ZNF728: variants seen among roughly 807,000 people sequenced by gnomAD.
ZNF728 encodes the protein zinc finger protein 728.
In ZNF728, 12 loss-of-function variants were observed where a neutral mutation model predicts 12.5. The observed-to-expected ratio is 0.96, with a 90% CI of 0.61 to 1.55. The LOEUF (loss-of-function observed/expected upper bound fraction) is 1.55, where lower values mean the gene tolerates loss of function less well. Among genes scored for constraint, ZNF728 ranks in the 40% most tolerant of loss-of-function variants. The probability of loss-of-function intolerance (pLI) is 0.00; values close to 1 mark genes in which losing one functional copy is unlikely to be tolerated. For missense variants in ZNF728, 692 were observed against 719.2 expected (o/e 0.96, Z 0.43); for synonymous variants, 205 against 240.7 (o/e 0.85, Z 1.37).
Position 23,003,055 on chromosome 19 carries a change from G to A in ZNF728, c.-25C>T, listed in dbSNP as rs549922920. 4.6e-4 allele frequency: 719 copies of A among 1,578,184 alleles called. 10 individuals carry two copies. In the South Asian group the frequency reaches 7.9e-3, roughly 17 times the overall value. On this transcript the variant is annotated 5_prime_UTR_variant, in exon 1 of 4. Coordinates refer to ENST00000594710, the MANE Select transcript of ZNF728 (RefSeq NM_001267716.2). ...TTTCTAGGCTTCCGGGGGTCCTGGC[G>A]ACTTAGTTGTGAATCTCCCAATACC...
At chr19:22,984,573 A>ATAC (rs1454286182) in intron 3 of ZNF728, among the ~76,000 whole-genome samples, 22 of 86,618 alleles carry the variant, frequency 2.5e-4, no homozygotes, top group African/African-American at 1.5e-3. Context: ...AAAAAAAAAA[A>ATAC]AAATACACAC....
intron 1 of ZNF728, chr19:22,995,775 T>C (rs1969043271): frequency 6.6e-6 from 1 of 152,204 alleles, no homozygotes; most frequent in Non-Finnish European, 1.5e-5. Context: ...CCATCTCTGC[T>C]GCTCTCTTAT....
At position 22,976,522 on chromosome 19, in the gene ZNF728, A is replaced by G. The variant is rs1320330319; in HGVS notation, c.815T>C (p.Ile272Thr). ...TCCAGCATGACTTCTCTTATGTTCA[A>G]TAAGGCTTGAGGACCGGGTGAAGGC... is the stretch of plus-strand genomic sequence containing the variant. Reference protein sequence around the residue: ...GKAFTRSSSLIEHKRSHAGEK... With the variant: ...GKAFTRSSSLTEHKRSHAGEK... Residue 272 changes from isoleucine to threonine, a missense_variant, in exon 4 of 4, where the codon ATT becomes ACT. Ile to Thr is a moderately conservative substitution (Grantham distance 89, BLOSUM62 -1). Coordinates refer to ENST00000594710, the MANE Select transcript of ZNF728 (RefSeq NM_001267716.2). The G allele has an allele frequency of 3.7e-6, 6 of 1,610,186 alleles. No individual in the cohort carries two copies. Among genetic ancestry groups the G allele is most frequent in the Admixed American group, 1.7e-5 (1 of 59,738 alleles).
chr19:22,976,620 C>A lies in ZNF728; in HGVS notation c.717G>T (p.Lys239Asn), dbSNP rs759964061. ...KCEECGKAFS[K>N]FSILTKHKVI... is the part of the protein sequence containing the mutation. ...CCTTATGCTTAGTAAGGATTGAGAA[C>A]TTACTAAAGGCTTTGCCACATTCTT... The change falls in exon 4 of 4, where the codon AAG becomes AAT. Residue 239 changes from lysine (K) to asparagine (N), a missense_variant. This residue lies in a region of ZNF728 where 440 missense variants were observed against 459.6 expected (regional missense o/e 0.96). Coordinates refer to ENST00000594710, the MANE Select transcript of ZNF728 (RefSeq NM_001267716.2). The A allele has an allele frequency of 1.7e-5, 28 of 1,610,348 alleles. No individual in the cohort carries two copies. The South Asian group carries it at 2.7e-4, about 16-fold the overall frequency.
intron 3 of ZNF728, among the ~76,000 whole-genome samples, chr19:22,985,010 T>C (rs1187967251): frequency 2.0e-5 from 3 of 152,160 alleles, no homozygotes; most frequent in Non-Finnish European, 2.9e-5. Context: ...GTCATTTACA[T>C]AGCAATAATT....
At chr19:22,987,282 T>C (rs777959555) in intron 3 of ZNF728, 26 bp downstream of exon 3, 66 of 1,597,384 alleles carry the variant, frequency 4.1e-5, no homozygotes, top group Middle Eastern at 1.7e-4. Flanking sequence ...CTCTCATCCA[T>C]GTTGTCTGTA....
At position 22,975,677 on chromosome 19, in the gene ZNF728, G is replaced by A. The variant is rs1299380607; in HGVS notation, c.1660C>T (p.His554Tyr). The change falls in exon 4 of 4, where the codon CAT becomes TAT. Residue 554 changes from histidine to tyrosine, a missense_variant. His to Tyr is a moderately conservative substitution (Grantham distance 83). Coordinates refer to ENST00000594710, the MANE Select transcript of ZNF728 (RefSeq NM_001267716.2). ...AFIWSSRLSEHKRIHTGEKPY... is the reference protein window; with the variant it reads ...AFIWSSRLSEYKRIHTGEKPY... ...TTCTCTCCAGTATGAATTCTCTTAT[G>A]TTCACTAAGTCTTGAGGACCAGATG... 4.3e-6 allele frequency: 7 copies of A among 1,611,812 alleles called. No individual in the cohort carries two copies. Among genetic ancestry groups the A allele is most frequent in the Admixed American group, 1.7e-5 (1 of 59,930 alleles).
chr19:22,981,149 GAAGA>G (rs1968858279), intron 3 of ZNF728, among the ~76,000 whole-genome samples: 1 of 151,658 alleles, frequency 6.6e-6, no homozygotes, highest in African/African-American at 2.4e-5. Flanking sequence ...GTCTAATAAA[GAAGA>G]AAGGAGAGAA....
At position 22,977,046 on chromosome 19, in the gene ZNF728, T is replaced by C. The variant is rs1968813683; in HGVS notation, c.291A>G (p.Lys97=). Residue 97 remains lysine (K), a synonymous_variant, in exon 4 of 4, where the codon AAA becomes AAG. Coordinates refer to ENST00000594710, the MANE Select transcript of ZNF728 (RefSeq NM_001267716.2). The part of the protein sequence containing the change: ...PEQGREDSFQ[K]VILRRYEKCG... ...ATTTTTCATATCTTCTCAATATCAC[T>C]TTTTGGAAAGAATCTTCTCTGCCCT... 1 of 1,612,736 alleles carries C rather than the reference T, an allele frequency of 6.2e-7. No individual in the cohort carries two copies. Among genetic ancestry groups the C allele is most frequent in the Admixed American group, 1.7e-5 (1 of 59,804 alleles).
intron 3 of ZNF728, among the ~76,000 whole-genome samples, chr19:22,984,175 A>C (rs1205265941): frequency 2.0e-5 from 3 of 152,068 alleles, no homozygotes; most frequent in Non-Finnish European, 4.4e-5. Context: ...CCAAAAAAGA[A>C]GTCTTACCAA....
At chr19:22,989,887 C>A (rs1269329990) in intron 1 of ZNF728, among the ~76,000 whole-genome samples, 1 of 152,118 alleles carries the variant, frequency 6.6e-6, no homozygotes, top group Non-Finnish European at 1.5e-5. Context: ...GGAACACAGA[C>A]AAAACCTCAA....
Position 22,976,365 on chromosome 19 carries a change from G to T in ZNF728, c.972C>A (p.Ser324=), listed in dbSNP as rs767631099. ...TTCTCTTATGTTCCATAAGGTTTGA[G>T]GACCGGTTGAAAGCTTTGCCACATT... The part of the protein sequence containing the change: ...CEECGKAFNR[S]SNLMEHKRIH... The change falls in exon 4 of 4, where the codon TCC becomes TCA. Residue 324 remains serine, a synonymous_variant. Transcript: ENST00000594710. The T allele has an allele frequency of 1.9e-6, 3 of 1,611,900 alleles. No homozygotes were observed. In the Admixed American group the frequency reaches 5.0e-5, roughly 27 times the overall value.
At position 22,975,443 on chromosome 19, in the gene ZNF728, C is replaced by T; in HGVS notation, c.*25G>A. On this transcript the variant is annotated 3_prime_UTR_variant, in exon 4 of 4. Coordinates refer to ENST00000594710, the MANE Select transcript of ZNF728 (RefSeq NM_001267716.2). Reference sequence around the variant, plus strand: ...CCTTATGTTCAGTAAGGGTTAAGAACTAATTGAAAGCTTTGCCACATTTTT... The same window carrying T: ...CCTTATGTTCAGTAAGGGTTAAGAATTAATTGAAAGCTTTGCCACATTTTT... The T allele has an allele frequency of 6.6e-7, 1 of 1,515,630 alleles. No individual in the cohort carries two copies. The highest frequency in any genetic ancestry group is 8.8e-7 in the Non-Finnish European group (1 of 1,132,416). The allele number at this position is 1,515,630 out of a possible 1,614,324, so 93.9% of individuals were successfully genotyped here.
At chr19:23,002,167 T>C (rs1362661565) in intron 1 of ZNF728, among the ~76,000 whole-genome samples, 2 of 152,100 alleles carry the variant, frequency 1.3e-5, no homozygotes, top group African/African-American at 4.8e-5. Context: ...AATACAAAGT[T>C]AACGGGGCGT....
chr19:22,988,596 CACA>C lies in ZNF728; in HGVS notation c.4-148_4-146del, dbSNP rs1968945899. ...AATCATTCAATAAAATAGTTTTCAA[CACA>C]ACAATATTCTCTAATGTATTCTCTA... is the stretch of plus-strand genomic sequence containing the variant. On this transcript the variant is annotated intron_variant, in intron 1 of 3. Coordinates refer to ENST00000594710, the MANE Select transcript of ZNF728 (RefSeq NM_001267716.2). 5 of 1,220,710 alleles carry C rather than the reference CACA, an allele frequency of 4.1e-6. No homozygotes were observed. The Admixed American group carries it at 1.0e-4, about 26-fold the overall frequency. 75.6% of individuals were successfully genotyped at this position (1,220,710 alleles called of 1,614,324 possible).
intron 1 of ZNF728, among the ~76,000 whole-genome samples, chr19:22,990,521 C>A (rs1441908941): frequency 6.6e-6 from 1 of 151,650 alleles, no homozygotes; most frequent in Admixed American, 6.6e-5. Context: ...TTATTTTGTC[C>A]TCGGGAGCCA....
intron 3 of ZNF728, among the ~76,000 whole-genome samples, chr19:22,977,332 C>G (rs1968818028): frequency 6.6e-6 from 1 of 152,066 alleles, no homozygotes; most frequent in South Asian, 2.1e-4. Flanking sequence ...CTGAATTAAG[C>G]CCAATGCAAA....
chr19:23,002,044 G>A (rs919591751), intron 1 of ZNF728, among the ~76,000 whole-genome samples: 1 of 152,178 alleles, frequency 6.6e-6, no homozygotes, highest in Non-Finnish European at 1.5e-5. Context: ...GGCCAGGCGC[G>A]GTGGCTTACA....
Position 22,987,104 on chromosome 19 carries a change from A to G in ZNF728, c.226+204T>C, listed in dbSNP as rs527707090. ...CTGTAAACTTGAAGGAAGATTACTG[A>G]AGGGAAAAAATAATTCTTAGAAATT... is the stretch of plus-strand genomic sequence containing the variant. On this transcript the variant is annotated intron_variant, in intron 3 of 3. Coordinates refer to ENST00000594710, the MANE Select transcript of ZNF728 (RefSeq NM_001267716.2). Among the ~76,000 whole-genome samples the G allele has an allele frequency of 5.9e-5, 9 of 152,340 alleles. No homozygotes were observed. In the South Asian group the frequency reaches 1.9e-3, roughly 32 times the overall value.
Sources: gnomAD v4.1 joint callset for allele counts (sites outside exome capture counted in the v4.1 genomes callset) on GRCh38, gnomAD v4.1.1 for gene constraint, gnomAD v4.1.1 regional missense constraint, MANE v1.5 for transcripts, NCBI Gene and HGNC (gene_info 2026-07-23, HGNC 2026-07-21) for gene names.